ITFG1: variants seen among roughly 807,000 people sequenced by gnomAD.
ITFG1 encodes integrin alpha FG-GAP repeat containing 1.
ITFG1 carries 34 observed loss-of-function variants against 81.8 expected under a neutral mutation model. The ratio of observed to expected loss-of-function variants is 0.42; its 90% confidence interval spans 0.32 to 0.55. The LOEUF is 0.55. Among genes scored for constraint, ITFG1 ranks in the 20% least tolerant of loss-of-function variants. ITFG1 has a pLI of 0.17. For synonymous variants in ITFG1, 285 were observed against 270.6 expected (o/e 1.05, Z -0.52); for missense variants, 672 against 755.4 (o/e 0.89, Z 1.29).
chr16:47,411,211 A>C (rs1968806323), intron 6 of ITFG1, among the ~76,000 whole-genome samples: 1 of 152,180 alleles, frequency 6.6e-6, no homozygotes, highest in African/African-American at 2.4e-5. Context: ...AATGAGACAC[A>C]GATTTGTGGA....
At chr16:47,444,425 T>C (rs1179825764) in intron 5 of ITFG1, among the ~76,000 whole-genome samples, 1 of 152,104 alleles carries the variant, frequency 6.6e-6, no homozygotes, top group Admixed American at 6.6e-5. Context: ...CTTAGTGTAT[T>C]GAAAAAAGAA....
intron 13 of ITFG1, among the ~76,000 whole-genome samples, chr16:47,223,891 AATG>A (rs1008032741): frequency 6.6e-5 from 10 of 152,194 alleles, no homozygotes; most frequent in African/African-American, 2.4e-4. Context: ...AGTCATAAAA[AATG>A]ATGAGTTCAT....
chr16:47,438,457 T>G (rs1354132255), intron 5 of ITFG1, among the ~76,000 whole-genome samples: 1 of 152,064 alleles, frequency 6.6e-6, no homozygotes, highest in Non-Finnish European at 1.5e-5. Flanking sequence ...GACTGATACC[T>G]CACATGGCCG....
At chr16:47,176,008 T>G (rs1402161712) in intron 14 of ITFG1, among the ~76,000 whole-genome samples, 1 of 152,170 alleles carries the variant, frequency 6.6e-6, no homozygotes, top group Non-Finnish European at 1.5e-5. Context: ...AGACCTAAAG[T>G]TGGGCTGTTG....
intron 8 of ITFG1, among the ~76,000 whole-genome samples, chr16:47,347,612 C>T (rs575842809): frequency 5.4e-4 from 82 of 152,342 alleles, no homozygotes; most frequent in Middle Eastern, 6.8e-3. Flanking sequence ...GACTCCACCT[C>T]TGGGGGCAGG....
intron 8 of ITFG1, among the ~76,000 whole-genome samples, chr16:47,347,286 C>G (rs941531749): frequency 1.3e-5 from 2 of 152,258 alleles, no homozygotes; most frequent in Non-Finnish European, 1.5e-5. Flanking sequence ...AGGGAATTCC[C>G]TTTCATAGCC....
At chr16:47,308,700 G>A (rs1430317805) in intron 10 of ITFG1, among the ~76,000 whole-genome samples, 1 of 152,144 alleles carries the variant, frequency 6.6e-6, no homozygotes, top group East Asian at 1.9e-4. Flanking sequence ...GCCATTTACA[G>A]ATTTACTTGC....
chr16:47,239,633 C>T (rs1965912021), intron 12 of ITFG1, among the ~76,000 whole-genome samples: 1 of 152,094 alleles, frequency 6.6e-6, no homozygotes, highest in African/African-American at 2.4e-5. Flanking sequence ...AGAATATTTA[C>T]ATTAAATACA....
In ITFG1 at chr16:47,254,408, A is replaced by T. The variant is rs151233377; in HGVS notation, c.1330+4224T>A. Among the ~76,000 whole-genome samples the T allele has an allele frequency of 7.1e-3, 1,075 of 151,836 alleles. 15 individuals are homozygous for T. The highest frequency in any genetic ancestry group is 0.025 in the African/African-American group (1,019 of 41,336). ...TTATTATTATTATTATTATTATTAC[A>T]ACTGGGAATTGGAATATCTTATCAA... On this transcript the variant is annotated intron_variant, in intron 12 of 17. Coordinates refer to ENST00000320640, the MANE Select transcript of ITFG1 (RefSeq NM_030790.5).
At chr16:47,255,776 T>A (rs542611932) in intron 12 of ITFG1, among the ~76,000 whole-genome samples, 1 of 152,226 alleles carries the variant, frequency 6.6e-6, no homozygotes, top group African/African-American at 2.4e-5. Flanking sequence ...TAAAGCATAC[T>A]AGGAGTAAGA....
At chr16:47,393,438 T>C (rs889147312) in intron 6 of ITFG1, among the ~76,000 whole-genome samples, 1 of 152,056 alleles carries the variant, frequency 6.6e-6, no homozygotes, top group Admixed American at 6.5e-5. Context: ...CCTTCAAGAA[T>C]GAGCAGTGGC....
At chr16:47,279,121 T>C (rs1281250111) in intron 10 of ITFG1, among the ~76,000 whole-genome samples, 1 of 152,174 alleles carries the variant, frequency 6.6e-6, no homozygotes, top group Non-Finnish European at 1.5e-5. Flanking sequence ...TTTTGTGAAG[T>C]AAAGGTCTGA....
At chr16:47,354,770 G>A (rs746097646) in intron 8 of ITFG1, among the ~76,000 whole-genome samples, 11 of 151,964 alleles carry the variant, frequency 7.2e-5, no homozygotes, top group Non-Finnish European at 1.3e-4. Flanking sequence ...ACACAGAAAT[G>A]GCCAATAAGT....
intron 10 of ITFG1, among the ~76,000 whole-genome samples, chr16:47,296,024 A>G (rs1966975946): frequency 6.6e-6 from 1 of 152,124 alleles, no homozygotes. Context: ...TTAGCCTCCC[A>G]GGTAGCTGAG....
Position 47,260,537 on chromosome 16 carries a change from G to A in ITFG1, c.1221+8C>T, listed in dbSNP as rs200576597. The A allele has an allele frequency of 2.2e-5, 35 of 1,614,038 alleles. No homozygotes were observed. The Admixed American group carries it at 5.7e-4, about 26-fold the overall frequency. On this transcript the variant is annotated splice_region_variant and intron_variant, in intron 11 of 17. Coordinates refer to ENST00000320640, the MANE Select transcript of ITFG1 (RefSeq NM_030790.5). ...AACTTCAAACACACAGCCCAGCTCT[G>A]AACTCACATCTTCGTAAATGTCAAA...
intron 6 of ITFG1, among the ~76,000 whole-genome samples, chr16:47,392,331 G>A (rs1026662556): frequency 6.6e-6 from 1 of 152,168 alleles, no homozygotes; most frequent in African/African-American, 2.4e-5. Flanking sequence ...TGAGCCCTGT[G>A]GATATCTGGG....
intron 6 of ITFG1, among the ~76,000 whole-genome samples, chr16:47,418,092 A>AT (rs1491379219): frequency 6.6e-6 from 1 of 152,110 alleles, no homozygotes; most frequent in African/African-American, 2.4e-5. Context: ...TAACAATGAG[A>AT]TATTTCACTG....
intron 8 of ITFG1, among the ~76,000 whole-genome samples, chr16:47,358,512 T>TA: frequency 6.6e-6 from 1 of 152,350 alleles, no homozygotes. Flanking sequence ...GGATGTCTCC[T>TA]ACTGAAACCA....
chr16:47,209,124 G>T (rs1267921952), intron 14 of ITFG1, among the ~76,000 whole-genome samples: 1 of 152,102 alleles, frequency 6.6e-6, no homozygotes, highest in African/African-American at 2.4e-5. Context: ...TAACGAAGTG[G>T]TTCCCACCTA....
Sources: gnomAD v4.1 joint callset for allele counts (sites outside exome capture counted in the v4.1 genomes callset) on GRCh38, gnomAD v4.1.1 for gene constraint, MANE v1.5 for transcripts, NCBI Gene and HGNC (gene_info 2026-07-23, HGNC 2026-07-21) for gene names.